Variants in PCDHGA12 observed in about 807,000 individuals in gnomAD.
PCDHGA12 encodes the protein protocadherin gamma subfamily A, 12.
PCDHGA12 carries 43 observed loss-of-function variants against 61.1 expected under a neutral mutation model. The ratio of observed to expected loss-of-function variants is 0.70; its 90% CI spans 0.55 to 0.91. The LOEUF is 0.91. Ranked by LOEUF, PCDHGA12 falls within the 40% of genes least tolerant of loss-of-function variation. The pLI is 0.00. For missense variants in PCDHGA12, 1,236 were observed against 1,227.7 expected, an observed-to-expected ratio of 1.01 and a Z score of -0.10; for synonymous variants, 520 against 542.9, an observed-to-expected ratio of 0.96 and a Z score of 0.59.
chr5:141,510,898 T>G (rs1393880610), intron 3 of PCDHGA12, 49 bp from the exon 4 acceptor site: 1 of 1,613,278 alleles, frequency 6.2e-7, no homozygotes, highest in East Asian at 2.2e-5. Context: ...ACAGTGACTG[T>G]TGAGGACCCT....
In PCDHGA12 at chr5:141,487,107, T is replaced by C. The variant is rs1193091014; in HGVS notation, c.2425-7700T>C. 6.2e-7 allele frequency: 1 copy of C among 1,613,926 alleles called. No individual in the cohort carries two copies. The highest frequency in any genetic ancestry group is 8.5e-7 in the Non-Finnish European group (1 of 1,179,782). On this transcript the variant is annotated intron_variant, in intron 1 of 3. Transcript: ENST00000252085. This position sits in a 1 kb window ranked among gnomAD's most constrained non-coding sequence, Gnocchi z 5.0. ...GACCTCCCACCACAGAAGCTGGTCA[T>C]TGTGGTAAAGGATAGTGGTAGTCCA...
Position 141,490,400 on chromosome 5 carries a change from T to A in PCDHGA12, c.2425-4407T>A. On this transcript the variant is annotated intron_variant, in intron 1 of 3. Coordinates refer to ENST00000252085, the MANE Select transcript of PCDHGA12 (RefSeq NM_003735.3). This position sits in a 1 kb window ranked among gnomAD's most constrained non-coding sequence, Gnocchi z 5.4. ...TCAGGTAGAAATGGTGAAGTGAGCC[T>A]TGATATCTCTCCGGACCTGCCATTT... The A allele has an allele frequency of 6.2e-7, 1 of 1,614,202 alleles. No homozygotes were observed. Among genetic ancestry groups the A allele is most frequent in the Non-Finnish European group, 8.5e-7 (1 of 1,180,032 alleles).
chr5:141,433,204 C>T, intron 1 of PCDHGA12, 21 bp downstream of exon 1: 6 of 1,566,938 alleles, frequency 3.8e-6, no homozygotes, highest in Admixed American at 2.0e-5. Flanking sequence ...ATCAAATCTT[C>T]TTTCTTTTTT....
In PCDHGA12 at chr5:141,499,676, C is replaced by G. The variant is rs534287777; in HGVS notation, c.2483+4811C>G. On this transcript the variant is annotated intron_variant, in intron 2 of 3. Coordinates refer to ENST00000252085, the MANE Select transcript of PCDHGA12 (RefSeq NM_003735.3). Reference sequence around the variant, plus strand: ...ATAATTTCATCTTGGTCTCCACCATCTTTAACAGATGACTTTTTTTTTTTT... The same window carrying G: ...ATAATTTCATCTTGGTCTCCACCATGTTTAACAGATGACTTTTTTTTTTTT... Among the ~76,000 whole-genome samples, 13 of 144,474 alleles carry G rather than the reference C, an allele frequency of 9.0e-5. No homozygotes were observed. In the South Asian group the frequency reaches 2.9e-3, roughly 33 times the overall value. The allele number at this position is 144,474 out of a possible 152,430, so 94.8% of individuals were successfully genotyped here.
At chr5:141,444,626 A>G (rs542390437) in intron 1 of PCDHGA12, among the ~76,000 whole-genome samples, 74 of 152,288 alleles carry the variant, frequency 4.9e-4, no homozygotes, top group African/African-American at 1.7e-3. Flanking sequence ...GGCATGATGC[A>G]CCAGTTCATT....
chr5:141,483,904 T>A (rs11750647), intron 1 of PCDHGA12, among the ~76,000 whole-genome samples: 24,531 of 151,676 alleles, frequency 0.16, 2,105 homozygotes, highest in African/African-American at 0.21. Context: ...CTCTGGTGTG[T>A]TTCCCACTCA....
At chr5:141,455,740 G>C (rs2098830344) in intron 1 of PCDHGA12, among the ~76,000 whole-genome samples, 1 of 152,136 alleles carries the variant, frequency 6.6e-6, no homozygotes, top group Non-Finnish European at 1.5e-5. Context: ...GCATATCAAA[G>C]GTTGCTGGCC....
intron 1 of PCDHGA12, among the ~76,000 whole-genome samples, chr5:141,457,171 T>C (rs1337137368): frequency 3.3e-5 from 5 of 152,216 alleles, no homozygotes; most frequent in Non-Finnish European, 7.3e-5. Flanking sequence ...GATAACCCTA[T>C]TGCAAATAGT....
chr5:141,482,981 AGG>A (rs2099575420), intron 1 of PCDHGA12, among the ~76,000 whole-genome samples: 1 of 150,250 alleles, frequency 6.7e-6, no homozygotes, highest in African/African-American at 2.5e-5. Context: ...GCTACTTGAG[AGG>A]TCGAGGCAGG....
chr5:141,433,140 CAGGTGATTCGGTATTTTCTAAAG>C lies in PCDHGA12; in HGVS notation c.2383_2405del (p.Gly795GlnfsTer6), dbSNP rs2097570930. Reference sequence around the variant, plus strand: ...GAAAAAAGCGAGCCCCTTTTGCTGTCAGGTGATTCGGTATTTTCTAAAGACAGTCATGGGTTAATTGAGGTGAG... The same window carrying C: ...GAAAAAAGCGAGCCCCTTTTGCTGTCACAGTCATGGGTTAATTGAGGTGAG... On this transcript the variant is annotated frameshift_variant, in exon 1 of 4. Transcript: ENST00000252085. LOFTEE classifies it high-confidence loss of function. 1 of 1,613,948 alleles carries C rather than the reference CAGGTGATTCGGTATTTTCTAAAG, an allele frequency of 6.2e-7. No individual in the cohort carries two copies. The highest frequency in any genetic ancestry group is 8.5e-7 in the Non-Finnish European group (1 of 1,179,996).
Position 141,431,994 on chromosome 5 carries a change from G to A in PCDHGA12, c.1235G>A (p.Arg412Lys), listed in dbSNP as rs2097434865. ...TTAGTCACAGACATAGTCTTGGATA[G>A]GGAACAGGTTCCTAGCTACAACATC... ...YSLVTDIVLD[R>K]EQVPSYNITV... The change falls in exon 1 of 4, where the codon AGG becomes AAG. Residue 412 changes from arginine to lysine, a missense_variant. By Grantham distance (26) the Arg-to-Lys change is conservative (BLOSUM62 2). Coordinates refer to ENST00000252085, the MANE Select transcript of PCDHGA12 (RefSeq NM_003735.3). The surrounding 1 kb of genome is among the most constrained non-coding windows in gnomAD (Gnocchi z 4.8). 6.2e-7 allele frequency: 1 copy of A among 1,614,188 alleles called. No homozygotes were observed. Among genetic ancestry groups the A allele is most frequent in the Non-Finnish European group, 8.5e-7 (1 of 1,180,038 alleles).
rs182132552 is a variant in PCDHGA12 at position 141,435,146 on chromosome 5, T to A, written c.2424+1963T>A. Among the ~76,000 whole-genome samples the A allele has an allele frequency of 4.6e-3, 696 of 152,288 alleles. 5 individuals carry two copies. Among genetic ancestry groups the A allele is most frequent in the African/African-American group, 0.016 (677 of 41,554 alleles). ...ATGGAAAATATAAATAAAATTGTGA[T>A]AAACTTTTGTAAATAGAGTGGCTTT... On this transcript the variant is annotated intron_variant, in intron 1 of 3. Transcript: ENST00000252085.
intron 1 of PCDHGA12, among the ~76,000 whole-genome samples, chr5:141,481,443 C>T (rs971405190): frequency 1.3e-5 from 2 of 152,174 alleles, no homozygotes; most frequent in African/African-American, 4.8e-5. Flanking sequence ...CAGTTTAGTA[C>T]ATGTAAATAC....
At chr5:141,463,301 A>G (rs1277348576) in intron 1 of PCDHGA12, among the ~76,000 whole-genome samples, 2 of 151,638 alleles carry the variant, frequency 1.3e-5, no homozygotes, top group South Asian at 2.1e-4. Flanking sequence ...AATCTCCCCA[A>G]ACTCTAATAT....
intron 1 of PCDHGA12, among the ~76,000 whole-genome samples, chr5:141,460,536 G>A (rs911670681): frequency 2.0e-5 from 3 of 152,092 alleles, no homozygotes; most frequent in African/African-American, 7.2e-5. Flanking sequence ...AATAATCTTA[G>A]CACCTTAATC....
rs547854431 is a variant in PCDHGA12, at chr5:141,476,383, C to A, written c.2425-18424C>A. 1.2e-6 allele frequency: 2 copies of A among 1,614,102 alleles called. No homozygotes were observed. Among genetic ancestry groups the A allele is most frequent in the African/African-American group, 1.3e-5 (1 of 75,014 alleles). On this transcript the variant is annotated intron_variant, in intron 1 of 3. Transcript: ENST00000252085. The surrounding 1 kb of genome is among the most constrained non-coding windows in gnomAD (Gnocchi z 7.6). ...GGGAGACCGGAGAGATGTTTGTGAA[C>A]GACCGTCTGGATCGAGAGGAGCTGT...
intron 1 of PCDHGA12, among the ~76,000 whole-genome samples, chr5:141,455,419 G>A (rs1462099602): frequency 6.6e-6 from 1 of 152,124 alleles, no homozygotes; most frequent in Non-Finnish European, 1.5e-5. Context: ...AGGGAGCGGG[G>A]CTCCAAAAGA....
chr5:141,495,721 G>A (rs2099763243), intron 2 of PCDHGA12, among the ~76,000 whole-genome samples: 1 of 152,100 alleles, frequency 6.6e-6, no homozygotes, highest in Non-Finnish European at 1.5e-5. Context: ...TAACTACACG[G>A]GACCCTTAGT....
intron 1 of PCDHGA12, among the ~76,000 whole-genome samples, chr5:141,462,769 G>T (rs1462290112): frequency 6.6e-6 from 1 of 151,956 alleles, no homozygotes; most frequent in African/African-American, 2.4e-5. Flanking sequence ...TCCTGGCTTG[G>T]GGTCATAATT....
Sources: allele counts gnomAD v4.1 joint callset (sites outside exome capture counted in the v4.1 genomes callset), GRCh38; gene constraint gnomAD v4.1.1; non-coding constraint Gnocchi (gnomAD v3.1); transcripts MANE v1.5; gene names NCBI Gene and HGNC (gene_info 2026-07-23, HGNC 2026-07-21).